The following FAM219A variants were observed in gnomAD, a reference collection of about 807,000 sequenced individuals.
FAM219A encodes family with sequence similarity 219 member A.
In FAM219A, 7 loss-of-function variants were observed where a neutral mutation model predicts 23.4. The ratio of observed to expected loss-of-function variants is 0.30; its 90% CI spans 0.17 to 0.56. The LOEUF (loss-of-function observed/expected upper bound fraction) is 0.56. Among genes scored for constraint, FAM219A ranks in the 20% least tolerant of loss-of-function variants. FAM219A has a pLI of 0.92. For missense variants in FAM219A, 166 were observed against 246.9 expected, an observed-to-expected ratio of 0.67 and a Z score of 2.20; for synonymous variants, 93 against 99.0, an observed-to-expected ratio of 0.94 and a Z score of 0.36.
intron 2 of FAM219A, 106 bp from the exon 3 acceptor site, chr9:34,402,913 T>C (rs1821503346): frequency 3.0e-5 from 28 of 939,320 alleles, no homozygotes; most frequent in Non-Finnish European, 4.5e-5. Flanking sequence ...CACTTGCTCC[T>C]AGAAGGACTG....
At chr9:34,426,148 A>G (rs1195007085) in intron 1 of FAM219A, among the ~76,000 whole-genome samples, 1 of 152,182 alleles carries the variant, frequency 6.6e-6, no homozygotes, top group Non-Finnish European at 1.5e-5. Context: ...TTTTATATGG[A>G]CACCTAATTT....
intron 1 of FAM219A, among the ~76,000 whole-genome samples, chr9:34,422,004 T>A (rs1160972048): frequency 6.6e-6 from 1 of 151,866 alleles, no homozygotes; most frequent in Non-Finnish European, 1.5e-5. Flanking sequence ...CCAGACAGCC[T>A]CTCAAAGAGC....
chr9:34,450,196 C>CT (rs1320177329), intron 1 of FAM219A, among the ~76,000 whole-genome samples: 1 of 151,710 alleles, frequency 6.6e-6, no homozygotes, highest in East Asian at 2.0e-4. Context: ...GAATGTAGTC[C>CT]CAGCTACTCA....
chr9:34,456,840 A>G (rs1365750318), intron 1 of FAM219A, among the ~76,000 whole-genome samples: 2 of 152,176 alleles, frequency 1.3e-5, no homozygotes, highest in African/African-American at 2.4e-5. Flanking sequence ...GAAAGGGGGA[A>G]AAAGCCTTTG....
chr9:34,406,119 C>G (rs779490334), intron 1 of FAM219A, among the ~76,000 whole-genome samples, 155 bp from the exon 2 acceptor site: 8 of 152,144 alleles, frequency 5.3e-5, no homozygotes, highest in Non-Finnish European at 1.0e-4. Flanking sequence ...AGGGGCAGAC[C>G]CATCTACCGT....
intron 2 of FAM219A, among the ~76,000 whole-genome samples, 194 bp from the exon 3 acceptor site, chr9:34,403,001 G>T (rs962530513): frequency 6.6e-6 from 1 of 152,142 alleles, no homozygotes; most frequent in Admixed American, 6.5e-5. Flanking sequence ...GGCAGACAGT[G>T]GGGGGCAAAA....
intron 1 of FAM219A, among the ~76,000 whole-genome samples, chr9:34,455,102 G>A (rs1352375295): frequency 2.6e-5 from 4 of 152,200 alleles, no homozygotes; most frequent in Non-Finnish European, 5.9e-5. Flanking sequence ...ATCTGTGTCT[G>A]TGTTGCTAAC....
At chr9:34,405,794 C>A in intron 2 of FAM219A, 71 bp downstream of exon 2, 1 of 1,450,324 alleles carries the variant, frequency 6.9e-7, no homozygotes, top group Non-Finnish European at 9.6e-7. Context: ...ATTTGTGGCA[C>A]CTCATTGTAG....
intron 1 of FAM219A, among the ~76,000 whole-genome samples, chr9:34,422,798 C>A (rs1485630941): frequency 6.6e-6 from 1 of 152,154 alleles, no homozygotes; most frequent in Non-Finnish European, 1.5e-5. Flanking sequence ...GGGGCCTTAG[C>A]CACCAAATTC....
chr9:34,429,198 G>A (rs948168522), intron 1 of FAM219A, among the ~76,000 whole-genome samples: 10 of 152,200 alleles, frequency 6.6e-5, no homozygotes, highest in Admixed American at 3.3e-4. Context: ...TCATTATTTA[G>A]CATCAATTTC....
chr9:34,439,043 C>T (rs1226119620), intron 1 of FAM219A, among the ~76,000 whole-genome samples: 1 of 151,268 alleles, frequency 6.6e-6, no homozygotes, highest in East Asian at 1.9e-4. Flanking sequence ...TCCAGAGGCG[C>T]TGCCTTAAGA....
At chr9:34,402,189 T>C in intron 4 of FAM219A, 198 bp downstream of exon 4, 2 of 1,512,746 alleles carry the variant, frequency 1.3e-6, no homozygotes, top group Non-Finnish European at 1.8e-6. Context: ...AGGCCCCCCT[T>C]TCCTCTCTCT....
intron 1 of FAM219A, among the ~76,000 whole-genome samples, chr9:34,423,490 T>C (rs1588050146): frequency 6.6e-6 from 1 of 152,196 alleles, no homozygotes; most frequent in Non-Finnish European, 1.5e-5. Flanking sequence ...AGAATGTTAA[T>C]GTTAGGGGAC....
At chr9:34,455,544 G>A (rs997422605) in intron 1 of FAM219A, among the ~76,000 whole-genome samples, 1 of 147,360 alleles carries the variant, frequency 6.8e-6, no homozygotes, top group Non-Finnish European at 1.5e-5. Flanking sequence ...ACGGCTCACT[G>A]CAGCCTCAAC....
chr9:34,402,579 C>G, intron 3 of FAM219A, 112 bp from the exon 4 acceptor site: 3 of 1,551,610 alleles, frequency 1.9e-6, no homozygotes, highest in Middle Eastern at 1.9e-4. Context: ...CACCTTGGAT[C>G]CTGTTAAGGC....
chr9:34,446,190 G>A (rs1823364861), intron 1 of FAM219A, among the ~76,000 whole-genome samples: 1 of 146,100 alleles, frequency 6.8e-6, no homozygotes, highest in Non-Finnish European at 1.5e-5. Flanking sequence ...AAAAAAAAAT[G>A]CGGGGCGGGG....
At chr9:34,416,183 A>AAAAGAAAG (rs757662813) in intron 1 of FAM219A, among the ~76,000 whole-genome samples, 1,106 of 64,018 alleles carry the variant, frequency 0.017, 19 homozygotes, top group East Asian at 0.024. Flanking sequence ...GAAGAAAGAG[A>AAAAGAAAG]AAAGAAAGAA....
intron 1 of FAM219A, among the ~76,000 whole-genome samples, chr9:34,452,329 C>A (rs1174981377): frequency 6.6e-6 from 1 of 152,166 alleles, no homozygotes; most frequent in African/African-American, 2.4e-5. Context: ...AAAACAGCAG[C>A]CTTCTCTGTT....
rs904263756 is a variant in FAM219A at position 34,402,464 on chromosome 9, C to T, written c.267G>A (p.Leu89=). ...KKNNVMARTR[L]VVPNKGYSSL... is the part of the protein sequence containing the mutation. ...AGGAGTAGCCTTTATTGGGGACGACCAGCCTAGGTGAAGAATTTCGGGAGT... is the reference window on the plus strand; with the variant it reads ...AGGAGTAGCCTTTATTGGGGACGACTAGCCTAGGTGAAGAATTTCGGGAGT... The change falls in exon 4 of 6, where the codon CTG becomes CTA. Residue 89 remains leucine, a synonymous_variant. Coordinates refer to ENST00000651358, the MANE Select transcript of FAM219A (RefSeq NM_001184940.2). 4 of 1,614,040 alleles carry T rather than the reference C, an allele frequency of 2.5e-6. No individual in the cohort carries two copies. The highest frequency in any genetic ancestry group is 2.2e-5 in the East Asian group (1 of 44,882).
Sources: allele counts gnomAD v4.1 joint callset (sites outside exome capture counted in the v4.1 genomes callset), GRCh38; gene constraint gnomAD v4.1.1; transcripts MANE v1.5; gene names NCBI Gene and HGNC (gene_info 2026-07-23, HGNC 2026-07-21).